Variants in GNAO1 observed in about 807,000 individuals in gnomAD.
GNAO1 encodes the protein guanine nucleotide-binding protein G(o) subunit alpha.
For missense variants in GNAO1, 166 were observed against 478.7 expected, an observed-to-expected ratio of 0.35 and a Z score of 6.10; for synonymous variants, 164 against 180.7, an observed-to-expected ratio of 0.91 and a Z score of 0.74.
intron 3 of GNAO1, among the ~76,000 whole-genome samples, chr16:56,310,254 TG>T (rs1486092933): frequency 6.6e-6 from 1 of 152,154 alleles, no homozygotes; most frequent in Non-Finnish European, 1.5e-5. Flanking sequence ...TGCTTGAGCC[TG>T]GGGGGTTCGA....
At chr16:56,328,874 AAGG>A in intron 4 of GNAO1, 83 bp downstream of exon 4, 1 of 1,429,502 alleles carries the variant, frequency 7.0e-7, no homozygotes, top group Non-Finnish European at 9.7e-7. Context: ...TTGGCAGAGC[AAGG>A]AGGATTCTCG....
chr16:56,344,020 C>T, intron 6 of GNAO1: 4 of 1,584,018 alleles, frequency 2.5e-6, no homozygotes, highest in Non-Finnish European at 8.6e-7. Context: ...AACCAGGCTC[C>T]ACCACTCTCA....
chr16:56,351,306 A>T lies in GNAO1; in HGVS notation c.724-78A>T. ...AGCCCAGTCCCTCTCTGTCAAGCCT[A>T]ATTCTCTCCTTCTCTTTCCCTGTCT... On this transcript the variant is annotated intron_variant, in intron 6 of 8. Coordinates refer to ENST00000262493, the MANE Select transcript of GNAO1 (RefSeq NM_020988.3). This position sits in a 1 kb window ranked among gnomAD's most constrained non-coding sequence, Gnocchi z 6.1. The T allele has an allele frequency of 2.3e-6, 2 of 853,550 alleles. No homozygotes were observed. The highest frequency in any genetic ancestry group is 3.8e-6 in the Non-Finnish European group (2 of 525,990). The allele number at this position is 853,550 out of a possible 1,614,324, so 52.9% of individuals were successfully genotyped here.
intron 2 of GNAO1, among the ~76,000 whole-genome samples, chr16:56,260,062 C>G (rs1161090369): frequency 3.3e-5 from 5 of 152,180 alleles, no homozygotes; most frequent in Non-Finnish European, 7.3e-5. Flanking sequence ...CAAAGTGGAG[C>G]TAGCACTAAC....
At chr16:56,293,546 G>A (rs2037254089) in intron 3 of GNAO1, among the ~76,000 whole-genome samples, 1 of 152,200 alleles carries the variant, frequency 6.6e-6, no homozygotes. Context: ...CTTCTCCTGT[G>A]TGATGTCAGT....
chr16:56,253,265 TC>T (rs2036816378), intron 2 of GNAO1, among the ~76,000 whole-genome samples: 1 of 152,162 alleles, frequency 6.6e-6, no homozygotes, highest in South Asian at 2.1e-4. Flanking sequence ...GTGTGACTGA[TC>T]GACTCCTCCT....
Position 56,276,061 on chromosome 16 carries a change from A to G in GNAO1, c.292A>G (p.Lys98Glu). The G allele has an allele frequency of 1.2e-6, 2 of 1,613,506 alleles. No individual in the cohort carries two copies. Among genetic ancestry groups the G allele is most frequent in the Non-Finnish European group, 1.7e-6 (2 of 1,179,684 alleles). ...CACTTTGGGCATCGAATATGGTGATAAGGAGAGAAAGGTAGGCCCCTGAGC... is the reference window on the plus strand; with the variant it reads ...CACTTTGGGCATCGAATATGGTGATGAGGAGAGAAAGGTAGGCCCCTGAGC... ...MDTLGIEYGD[K>E]ERKADAKMVC... Residue 98 changes from lysine to glutamate, a missense_variant, in exon 3 of 9, where the codon AAG becomes GAG. Coordinates refer to ENST00000262493, the MANE Select transcript of GNAO1 (RefSeq NM_020988.3).
At chr16:56,241,019 G>T (rs143996810) in intron 2 of GNAO1, among the ~76,000 whole-genome samples, 1 of 152,272 alleles carries the variant, frequency 6.6e-6, no homozygotes, top group African/African-American at 2.4e-5. Flanking sequence ...TCTCTCTAGG[G>T]CTCCGTACTC....
At chr16:56,297,726 A>AGTGCTG (rs1227526036) in intron 3 of GNAO1, among the ~76,000 whole-genome samples, 1 of 152,170 alleles carries the variant, frequency 6.6e-6, no homozygotes, top group Non-Finnish European at 1.5e-5. Context: ...ATAACCCGGC[A>AGTGCTG]GTGCTGGTTG....
intron 6 of GNAO1, among the ~76,000 whole-genome samples, chr16:56,338,268 C>A (rs2143669023): frequency 6.6e-6 from 1 of 152,264 alleles, no homozygotes; most frequent in Non-Finnish European, 1.5e-5. Flanking sequence ...CCACCTGTAC[C>A]CCTGACTTGG....
At chr16:56,286,525 C>T (rs1423120968) in intron 3 of GNAO1, among the ~76,000 whole-genome samples, 1 of 152,178 alleles carries the variant, frequency 6.6e-6, no homozygotes, top group Non-Finnish European at 1.5e-5. Flanking sequence ...TCACCCTCGA[C>T]TCCACAGCAT....
At chr16:56,306,468 C>A (rs1164568481) in intron 3 of GNAO1, among the ~76,000 whole-genome samples, 1 of 152,180 alleles carries the variant, frequency 6.6e-6, no homozygotes, top group Non-Finnish European at 1.5e-5. Flanking sequence ...AAGGGTAGTG[C>A]TGAATTCAGT....
At chr16:56,284,111 A>T (rs532420908) in intron 3 of GNAO1, among the ~76,000 whole-genome samples, 11 of 152,190 alleles carry the variant, frequency 7.2e-5, no homozygotes, top group Non-Finnish European at 1.5e-4. Context: ...ACAAATACTT[A>T]TCACTCAATT....
intron 6 of GNAO1, chr16:56,344,117 C>G (rs1248364015): frequency 6.9e-7 from 1 of 1,449,558 alleles, no homozygotes; most frequent in African/African-American, 1.4e-5. Flanking sequence ...CACCCCCCAA[C>G]AGAACTTGTG....
chr16:56,297,886 C>A (rs1295123210), intron 3 of GNAO1, among the ~76,000 whole-genome samples: 1 of 152,100 alleles, frequency 6.6e-6, no homozygotes, highest in Non-Finnish European at 1.5e-5. Context: ...AAATAGTTAT[C>A]GAGTGGGAGT....
At chr16:56,218,370 G>A (rs2036454220) in intron 2 of GNAO1, among the ~76,000 whole-genome samples, 1 of 152,200 alleles carries the variant, frequency 6.6e-6, no homozygotes, top group African/African-American at 2.4e-5. Context: ...TTTGGTTCTT[G>A]CAGGGATGTT....
intron 8 of GNAO1, chr16:56,355,642 G>A (rs1369206796): frequency 6.6e-6 from 1 of 152,218 alleles, no homozygotes; most frequent in African/African-American, 2.4e-5. Flanking sequence ...TCTTTCGGGT[G>A]GTGGTGGTTG....
At chr16:56,342,653 C>T (rs1006795016) in intron 6 of GNAO1, among the ~76,000 whole-genome samples, 7 of 152,254 alleles carry the variant, frequency 4.6e-5, no homozygotes, top group Admixed American at 4.6e-4. Context: ...CTTCTCCCAT[C>T]TGGCCCAGCA....
intron 3 of GNAO1, among the ~76,000 whole-genome samples, chr16:56,291,123 GTA>G (rs2037228230): frequency 1.3e-5 from 2 of 152,056 alleles, no homozygotes; most frequent in Non-Finnish European, 2.9e-5. Context: ...TTTCTCTTGG[GTA>G]CATAACTAGG....
Sources: allele counts gnomAD v4.1 joint callset (sites outside exome capture counted in the v4.1 genomes callset), GRCh38; gene constraint gnomAD v4.1.1; non-coding constraint Gnocchi (gnomAD v3.1); transcripts MANE v1.5; gene names NCBI Gene and HGNC (gene_info 2026-07-23, HGNC 2026-07-21).